DDB2: variants seen among roughly 807,000 people sequenced by gnomAD.
DDB2 encodes damage specific DNA binding protein 2, also known as DNA damage-binding protein 2.
A neutral mutation model predicts 50.5 loss-of-function variants in DDB2; 27 were observed. The observed-to-expected ratio is 0.53, with a 90% CI of 0.39 to 0.74. DDB2 has a LOEUF of 0.74. Ranked by LOEUF, DDB2 falls within the 30% of genes least tolerant of loss-of-function variation. The pLI, the probability that DDB2 is intolerant of heterozygous loss-of-function variation, is 0.00. For synonymous variants in DDB2, 176 were observed against 205.5 expected, an observed-to-expected ratio of 0.86 and a Z score of 1.23; for missense variants, 424 against 545.6, an observed-to-expected ratio of 0.78 and a Z score of 2.22.
At chr11:47,217,771 G>T (rs1375857485) in intron 3 of DDB2, among the ~76,000 whole-genome samples, 1 of 151,794 alleles carries the variant, frequency 6.6e-6, no homozygotes, top group Non-Finnish European at 1.5e-5. Flanking sequence ...TGCGCCTGTA[G>T]TCCCAGCTAC....
At chr11:47,235,004 G>C in intron 6 of DDB2, 70 bp downstream of exon 6, 1 of 1,561,632 alleles carries the variant, frequency 6.4e-7, no homozygotes, top group Non-Finnish European at 8.8e-7. Flanking sequence ...TTTTCCCTCA[G>C]TGTGGAAGCC....
intron 3 of DDB2, among the ~76,000 whole-genome samples, chr11:47,228,334 G>C (rs1953589714): frequency 6.8e-6 from 1 of 146,832 alleles, no homozygotes; most frequent in African/African-American, 2.6e-5. Context: ...AGTCTGTGGA[G>C]ACGGAGGGTT....
At chr11:47,218,082 T>C (rs1213361671) in intron 3 of DDB2, among the ~76,000 whole-genome samples, 1 of 152,210 alleles carries the variant, frequency 6.6e-6, no homozygotes, top group Non-Finnish European at 1.5e-5. Context: ...CTGCAGGTCT[T>C]TGCTGATTCT....
At position 47,216,888 on chromosome 11, in the gene DDB2, G is replaced by A. The variant is rs1188254502; in HGVS notation, c.295G>A (p.Asp99Asn). The A allele has an allele frequency of 6.2e-7, 1 of 1,613,920 alleles. No homozygotes were observed. Among genetic ancestry groups the A allele is most frequent in the Non-Finnish European group, 8.5e-7 (1 of 1,180,014 alleles). Residue 99 changes from aspartate to asparagine, a missense_variant, in exon 3 of 10, where the codon GAT (aspartate) becomes AAT (asparagine). Coordinates refer to ENST00000256996, the MANE Select transcript of DDB2 (RefSeq NM_000107.3). ...CCAGCAGTCCTTTTTGCACACTCTG[G>A]ATTCTTACCGGATATTACAAAAGGC... is the stretch of plus-strand genomic sequence containing the variant. ...GLQQSFLHTL[D>N]SYRILQKAAP...
At chr11:47,214,941 T>C (rs1194103072), upstream of DDB2, 16 of 710,058 alleles carry the variant, frequency 2.3e-5, no homozygotes, top group African/African-American at 2.3e-4. Context: ...AGGGGCGGGG[T>C]CTCCGAGACG....
chr11:47,216,771 A>C, intron 2 of DDB2, 87 bp from the exon 3 acceptor site: 1 of 1,367,496 alleles, frequency 7.3e-7, no homozygotes, highest in Non-Finnish European at 1.0e-6. Context: ...ACTTGGATCT[A>C]GGGCTCATCC....
chr11:47,232,852 C>T lies in DDB2; in HGVS notation c.495C>T (p.Asn165=). Residue 165 remains asparagine, a synonymous_variant, in exon 4 of 10, where the codon AAC becomes AAT. Transcript: ENST00000256996. ...GGAGCATCACTGGGCTGAAGTTTAA[C>T]CCTCTCAATACCAACCAGTTTTACG... ...AGGSITGLKF[N]PLNTNQFYAS... is the part of the protein sequence containing the mutation. 6.2e-7 allele frequency: 1 copy of T among 1,614,014 alleles called. No individual in the cohort carries two copies. The highest frequency in any genetic ancestry group is 1.1e-5 in the South Asian group (1 of 91,078).
chr11:47,214,763 C>T, upstream of DDB2: 1 of 345,274 alleles, frequency 2.9e-6, no homozygotes, highest in Non-Finnish European at 5.6e-6. Flanking sequence ...AGAGCCAGAC[C>T]CTGTTGCTAA....
At chr11:47,231,568 C>T (rs1294158311) in intron 3 of DDB2, among the ~76,000 whole-genome samples, 2 of 152,078 alleles carry the variant, frequency 1.3e-5, no homozygotes, top group African/African-American at 2.4e-5. Context: ...CTGTCACCCA[C>T]GCTAGAGTGC....
At position 47,215,240 on chromosome 11, in the gene DDB2, A is replaced by G. The variant is rs530733334; in HGVS notation, c.104A>G (p.Lys35Arg). ...RSPLELEPEAKKLCAKGSGPS... is the reference protein window; with the variant it reads ...RSPLELEPEARKLCAKGSGPS... ...CCCCTGGAGCTGGAGCCCGAGGCCA[A>G]GAAGCTCTGTGCGAAGGGCTCCGGT... The change falls in exon 1 of 10, where the codon AAG becomes AGG. Residue 35 changes from lysine (K) to arginine (R), a missense_variant. Physicochemically the swap from Lys to Arg is conservative, Grantham distance 26. Coordinates refer to ENST00000256996, the MANE Select transcript of DDB2 (RefSeq NM_000107.3). The G allele has an allele frequency of 1.2e-5, 20 of 1,613,802 alleles. No individual in the cohort carries two copies. Among genetic ancestry groups the G allele is most frequent in the Non-Finnish European group, 1.6e-5 (19 of 1,180,010 alleles).
chr11:47,235,447 G>C, intron 7 of DDB2, 35 bp downstream of exon 7: 1 of 1,601,370 alleles, frequency 6.2e-7, no homozygotes, highest in Non-Finnish European at 8.5e-7. Flanking sequence ...GCAGAAGGAG[G>C]CTGTGATCAT....
At chr11:47,216,211 A>G (rs766905158) in intron 1 of DDB2, 125 bp from the exon 2 acceptor site, 9 of 1,429,486 alleles carry the variant, frequency 6.3e-6, no homozygotes, top group Non-Finnish European at 7.9e-6. Flanking sequence ...AGACATGGAA[A>G]GGCCGCAGGA....
intron 3 of DDB2, 110 bp downstream of exon 3, chr11:47,217,159 T>G: frequency 1.1e-6 from 1 of 892,460 alleles, no homozygotes; most frequent in Non-Finnish European, 1.8e-6. Context: ...GTGGATCACC[T>G]GAGGTATGGA....
intron 3 of DDB2, among the ~76,000 whole-genome samples, chr11:47,229,098 G>A (rs1953606850): frequency 6.6e-6 from 1 of 151,718 alleles, no homozygotes; most frequent in Non-Finnish European, 1.5e-5. Flanking sequence ...AAGCAAGATA[G>A]ATGTTTACGT....
intron 3 of DDB2, chr11:47,217,301 G>A (rs921798712): frequency 6.7e-5 from 25 of 372,736 alleles, no homozygotes; most frequent in African/African-American, 1.7e-4. Flanking sequence ...GCTTGAACCC[G>A]GGAGGCAGAG....
intron 3 of DDB2, among the ~76,000 whole-genome samples, chr11:47,228,832 C>T (rs1297340524): frequency 1.3e-5 from 2 of 151,366 alleles, no homozygotes; most frequent in South Asian, 2.1e-4. Flanking sequence ...TGGCGTGAGC[C>T]TGTAATCCCA....
At chr11:47,238,738 G>A in intron 9 of DDB2, 62 bp from the exon 10 acceptor site, 1 of 1,589,862 alleles carries the variant, frequency 6.3e-7, no homozygotes, top group Non-Finnish European at 8.6e-7. Context: ...TTGCGGGCCA[G>A]CCCCAGGCTC....
chr11:47,226,182 G>A (rs1483541528), intron 3 of DDB2, among the ~76,000 whole-genome samples: 1 of 152,010 alleles, frequency 6.6e-6, no homozygotes, highest in African/African-American at 2.4e-5. Flanking sequence ...TTGAGGAACC[G>A]CTATATTGTT....
chr11:47,214,868 CT>C, upstream of DDB2: 1 of 521,942 alleles, frequency 1.9e-6, no homozygotes, highest in Non-Finnish European at 3.5e-6. Flanking sequence ...GTTCCCGCCC[CT>C]CCCGGGAGCG....
Sources: allele counts gnomAD v4.1 joint callset (sites outside exome capture counted in the v4.1 genomes callset), GRCh38; gene constraint gnomAD v4.1.1; transcripts MANE v1.5; gene names NCBI Gene and HGNC (gene_info 2026-07-23, HGNC 2026-07-21).